The following ANGPT1 variants were observed in gnomAD, a reference collection of about 807,000 sequenced individuals.
ANGPT1 encodes angiopoietin 1.
A neutral mutation model predicts 62.2 loss-of-function variants in ANGPT1; 17 were observed. The ratio of observed to expected loss-of-function variants is 0.27; its 90% CI spans 0.19 to 0.41. The LOEUF is 0.41. ANGPT1 is among the 10% of genes least tolerant of loss of function. The pLI is 1.00. For synonymous variants in ANGPT1, 199 were observed against 198.9 expected, an observed-to-expected ratio of 1.00 and a Z score of 0.00; for missense variants, 478 against 594.9, an observed-to-expected ratio of 0.80 and a Z score of 2.04.
rs574046039 is a variant in ANGPT1 at position 107,353,763 on chromosome 8, C to T, written c.298-6666G>A. On this transcript the variant is annotated intron_variant, in intron 1 of 8. Transcript: ENST00000517746. Reference sequence around the variant, plus strand: ...TGTGTACTAAGCCTGGTGCCAAATGCTACAGGTACAAAGAGTTGAGTCTAG... The same window carrying T: ...TGTGTACTAAGCCTGGTGCCAAATGTTACAGGTACAAAGAGTTGAGTCTAG... 3.5e-3 allele frequency among the ~76,000 whole-genome samples: 540 copies of T among 152,280 alleles called. 3 individuals are homozygous for T. Among genetic ancestry groups the T allele is most frequent in the African/African-American group, 0.011 (472 of 41,546 alleles).
At chr8:107,475,204 C>T (rs1336138547) in intron 1 of ANGPT1, among the ~76,000 whole-genome samples, 1 of 152,158 alleles carries the variant, frequency 6.6e-6, no homozygotes, top group Non-Finnish European at 1.5e-5. Flanking sequence ...GCTACAGTAA[C>T]CAAAACAGCA....
At chr8:107,419,277 C>T (rs1222558509) in intron 1 of ANGPT1, among the ~76,000 whole-genome samples, 1 of 152,116 alleles carries the variant, frequency 6.6e-6, no homozygotes. Flanking sequence ...CTGAAGCAGG[C>T]TTTAAAAGAA....
At position 107,402,280 on chromosome 8, in the gene ANGPT1, C is replaced by T. The variant is rs575249930; in HGVS notation, c.298-55183G>A. Among the ~76,000 whole-genome samples the T allele has an allele frequency of 8.5e-5, 13 of 152,274 alleles. No individual in the cohort carries two copies. In the South Asian group the frequency reaches 2.1e-3, roughly 24 times the overall value. On this transcript the variant is annotated intron_variant, in intron 1 of 8. Transcript: ENST00000517746. Reference sequence around the variant, plus strand: ...GTGTTGAAAGTCCACACTGACTCATCACTGTAATATTATATTCCAGCCCAA... The same window carrying T: ...GTGTTGAAAGTCCACACTGACTCATTACTGTAATATTATATTCCAGCCCAA...
chr8:107,388,627 G>A (rs1816778293), intron 1 of ANGPT1, among the ~76,000 whole-genome samples: 1 of 152,028 alleles, frequency 6.6e-6, no homozygotes, highest in African/African-American at 2.4e-5. Context: ...TATGGACTTT[G>A]CATAGCATAG....
chr8:107,324,215 A>ATGTGTG (rs71308721), intron 3 of ANGPT1, among the ~76,000 whole-genome samples: 2 of 144,770 alleles, frequency 1.4e-5, no homozygotes, highest in Non-Finnish European at 3.0e-5. Context: ...GTATATATAT[A>ATGTGTG]TGTGTGTGTG....
At position 107,284,787 on chromosome 8, in the gene ANGPT1, C is replaced by T. The variant is rs773738678; in HGVS notation, c.1100G>A (p.Ser367Asn). The T allele has an allele frequency of 1.2e-6, 2 of 1,611,290 alleles. No homozygotes were observed. The highest frequency in any genetic ancestry group is 1.7e-5 in the Admixed American group (1 of 59,948). ...LGNEFIFAIT[S>N]QRQYMLRIEL... Reference sequence around the variant, plus strand: ...AATTCTTAGCATGTACTGCCTCTGACTGGTAATGGCAAAAATAAACTCATT... The same window carrying T: ...AATTCTTAGCATGTACTGCCTCTGATTGGTAATGGCAAAAATAAACTCATT... The change falls in exon 7 of 9, where the codon AGT becomes AAT. Residue 367 changes from serine to asparagine, a missense_variant. By Grantham distance (46) the Ser-to-Asn change is conservative (BLOSUM62 1). This residue lies in a region of ANGPT1 where 81 missense variants were observed against 117.1 expected (regional missense o/e 0.69). Transcript: ENST00000517746.
chr8:107,354,188 T>A (rs543069120), intron 1 of ANGPT1, among the ~76,000 whole-genome samples: 1 of 152,304 alleles, frequency 6.6e-6, no homozygotes, highest in South Asian at 2.1e-4. Flanking sequence ...CCAAAACACA[T>A]TTTACTAACC....
intron 1 of ANGPT1, among the ~76,000 whole-genome samples, chr8:107,366,776 T>G (rs1237273029): frequency 6.6e-6 from 1 of 152,202 alleles, no homozygotes; most frequent in Non-Finnish European, 1.5e-5. Context: ...ATATCAGAGT[T>G]GATCTGTGTG....
At chr8:107,287,858 G>A (rs1459522185) in intron 6 of ANGPT1, among the ~76,000 whole-genome samples, 1 of 152,118 alleles carries the variant, frequency 6.6e-6, no homozygotes, top group Non-Finnish European at 1.5e-5. Context: ...CATATACAAG[G>A]TTTTGAGAAT....
At chr8:107,260,438 T>A (rs1813465154) in intron 8 of ANGPT1, among the ~76,000 whole-genome samples, 1 of 151,614 alleles carries the variant, frequency 6.6e-6, no homozygotes. Flanking sequence ...TAAGAGAGGG[T>A]ATTTTAAATA....
At chr8:107,307,167 C>G (rs36036692) in intron 4 of ANGPT1, among the ~76,000 whole-genome samples, 55,871 of 151,764 alleles carry the variant, frequency 0.37, 10,468 homozygotes, top group Middle Eastern at 0.45. Context: ...GAATTTAGAT[C>G]CCTGCCATTC....
At position 107,288,501 on chromosome 8, in the gene ANGPT1, G is replaced by T. The variant is rs1257974525; in HGVS notation, c.1039-3653C>A. Among the ~76,000 whole-genome samples the T allele has an allele frequency of 1.3e-5, 2 of 152,126 alleles. 1 individual carries two copies. Among genetic ancestry groups the T allele is most frequent in the South Asian group, 4.1e-4 (2 of 4,822 alleles). On this transcript the variant is annotated intron_variant, in intron 6 of 8. Transcript: ENST00000517746. ...ATGCATATCAGAAACAGCTGTGGGG[G>T]TTTTAAAAAAATACAGATGGTTAGG...
intron 4 of ANGPT1, among the ~76,000 whole-genome samples, chr8:107,316,205 C>G (rs770792309): frequency 2.0e-5 from 3 of 152,092 alleles, no homozygotes; most frequent in Non-Finnish European, 2.9e-5. Context: ...CCATTTACCC[C>G]TGTTTAATAT....
chr8:107,354,540 T>C (rs1280730235), intron 1 of ANGPT1, among the ~76,000 whole-genome samples: 1 of 152,210 alleles, frequency 6.6e-6, no homozygotes, highest in African/African-American at 2.4e-5. Context: ...TCTATAAGGT[T>C]TGAATATTAA....
intron 4 of ANGPT1, among the ~76,000 whole-genome samples, chr8:107,309,002 C>A (rs894111387): frequency 6.6e-6 from 1 of 152,096 alleles, no homozygotes; most frequent in South Asian, 2.1e-4. Flanking sequence ...TTCAGATGAA[C>A]CCTCAAGAAA....
chr8:107,457,866 A>ACACACACACC (rs765608644), intron 1 of ANGPT1, among the ~76,000 whole-genome samples: 5 of 115,978 alleles, frequency 4.3e-5, no homozygotes, highest in African/African-American at 1.5e-4. Context: ...ACACACACAC[A>ACACACACACC]CCAAGAGGGG....
At chr8:107,252,661 A>G (rs1445031978) in intron 8 of ANGPT1, among the ~76,000 whole-genome samples, 3 of 152,188 alleles carry the variant, frequency 2.0e-5, no homozygotes, top group African/African-American at 7.2e-5. Context: ...CTGTACAGCC[A>G]TATTTTGTCT....
intron 4 of ANGPT1, among the ~76,000 whole-genome samples, chr8:107,304,783 T>C (rs1488245970): frequency 1.3e-5 from 2 of 151,906 alleles, no homozygotes; most frequent in Non-Finnish European, 2.9e-5. Context: ...TTTAATAACA[T>C]TATGATTTTC....
intron 1 of ANGPT1, among the ~76,000 whole-genome samples, chr8:107,467,478 A>G (rs1042593991): frequency 2.6e-5 from 4 of 152,086 alleles, no homozygotes; most frequent in African/African-American, 9.7e-5. Flanking sequence ...TATGGATAAG[A>G]AAGAACAGGT....
Sources: allele counts gnomAD v4.1 joint callset (sites outside exome capture counted in the v4.1 genomes callset), GRCh38; gene constraint gnomAD v4.1.1; regional missense constraint gnomAD v4.1.1; transcripts MANE v1.5; gene names NCBI Gene and HGNC (gene_info 2026-07-23, HGNC 2026-07-21).